ABCA12: variants seen among roughly 807,000 people sequenced by gnomAD.
The protein encoded by ABCA12 is ATP binding cassette subfamily A member 12.
Under a neutral mutation model 293.5 loss-of-function variants are expected in ABCA12, and 156 were observed. The ratio of observed to expected loss-of-function variants is 0.53; its 90% CI spans 0.47 to 0.61. The LOEUF (loss-of-function observed/expected upper bound fraction) is 0.61. Among genes scored for constraint, ABCA12 ranks in the 20% least tolerant of loss-of-function variants. The pLI is 0.00. For synonymous variants in ABCA12, 1,063 were observed against 1,108.0 expected (o/e 0.96, Z 0.81); for missense variants, 2,797 against 3,090.2 (o/e 0.91, Z 2.25).
chr2:215,067,860 A>G (rs1701666090), intron 2 of ABCA12, among the ~76,000 whole-genome samples: 1 of 152,168 alleles, frequency 6.6e-6, no homozygotes, highest in African/African-American at 2.4e-5. Flanking sequence ...GGAACAAACC[A>G]CCAGTTAACT....
intron 3 of ABCA12, among the ~76,000 whole-genome samples, chr2:215,060,748 T>G (rs911253575): frequency 6.6e-6 from 1 of 152,034 alleles, no homozygotes; most frequent in Non-Finnish European, 1.5e-5. Context: ...CCTAATAATA[T>G]CTTTTGGTCA....
chr2:215,108,430 A>G (rs1020360942), intron 2 of ABCA12, among the ~76,000 whole-genome samples: 3 of 152,202 alleles, frequency 2.0e-5, no homozygotes, highest in African/African-American at 7.2e-5. Context: ...AGATGTAAGA[A>G]ATGTGAGTTC....
intron 1 of ABCA12, among the ~76,000 whole-genome samples, chr2:215,119,702 T>C (rs1702760796): frequency 7.1e-6 from 1 of 140,554 alleles, no homozygotes; most frequent in Non-Finnish European, 1.5e-5. Context: ...TGTTTTGGCC[T>C]CACATGAGTC....
At chr2:215,116,118 C>A (rs1702681302) in intron 1 of ABCA12, among the ~76,000 whole-genome samples, 1 of 152,204 alleles carries the variant, frequency 6.6e-6, no homozygotes. Context: ...TGGGCATAAA[C>A]TCCTAATTCC....
rs1192549926 is a variant in ABCA12 at position 215,054,567 on chromosome 2, G to A, written c.409+6C>T. 6.2e-7 allele frequency: 1 copy of A among 1,606,078 alleles called. No homozygotes were observed. Among genetic ancestry groups the A allele is most frequent in the Non-Finnish European group, 8.5e-7 (1 of 1,173,474 alleles). ...GTTCTGAACTCTACAGAAGAAAATAGCTTACCTAGTGATGCATGCCTTCTT... is the reference window on the plus strand; with the variant it reads ...GTTCTGAACTCTACAGAAGAAAATAACTTACCTAGTGATGCATGCCTTCTT... On this transcript the variant is annotated splice_donor_region_variant and intron_variant, in intron 4 of 52. Coordinates refer to ENST00000272895, the MANE Select transcript of ABCA12 (RefSeq NM_173076.3).
rs571722055 is a variant in ABCA12 at position 215,103,107 on chromosome 2, A to G, written c.163+8490T>C. ...CCACTGTGGAATTTTTCACATTGCA[A>G]TAGTTTCTGATATACTTATTGCTCT... On this transcript the variant is annotated intron_variant, in intron 2 of 52. Transcript: ENST00000272895. 1.2e-4 allele frequency among the ~76,000 whole-genome samples: 18 copies of G among 152,116 alleles called. No homozygotes were observed. In the East Asian group the frequency reaches 3.3e-3, roughly 28 times the overall value.
Position 214,969,923 on chromosome 2 carries a change from T to C in ABCA12, c.5690+350A>G, listed in dbSNP as rs139794516. On this transcript the variant is annotated intron_variant, in intron 37 of 52. Transcript: ENST00000272895. ...GATATCACACTCTTAAGTTTTGAGA[T>C]ATTCATATTGGAACTGAGGCCAATT... 5.7e-3 allele frequency among the ~76,000 whole-genome samples: 870 copies of C among 152,106 alleles called. 6 individuals carry two copies. The highest frequency in any genetic ancestry group is 9.2e-3 in the Non-Finnish European group (627 of 67,920).
At chr2:215,042,726 G>A (rs13390805) in intron 7 of ABCA12, among the ~76,000 whole-genome samples, 12,916 of 151,960 alleles carry the variant, frequency 0.085, 1,535 homozygotes, top group African/African-American at 0.27. Context: ...TTCTTTTACC[G>A]TTATTTTGAA....
intron 7 of ABCA12, among the ~76,000 whole-genome samples, chr2:215,037,385 T>C (rs1458668163): frequency 3.9e-5 from 6 of 152,130 alleles, no homozygotes; most frequent in Admixed American, 6.5e-5. Flanking sequence ...CAACTTTCAA[T>C]TAAAGAATAC....
At chr2:214,974,687 G>T in intron 35 of ABCA12, 91 bp downstream of exon 35, 3 of 1,237,596 alleles carry the variant, frequency 2.4e-6, no homozygotes, top group Middle Eastern at 1.9e-4. Flanking sequence ...CTTTCTTCCA[G>T]GCAAATAACA....
rs75462380 is a variant in ABCA12 at position 215,076,768 on chromosome 2, G to A, written c.164-12549C>T. Among the ~76,000 whole-genome samples, 5 of 152,288 alleles carry A rather than the reference G, an allele frequency of 3.3e-5. No individual in the cohort carries two copies. In the East Asian group the frequency reaches 9.6e-4, roughly 29 times the overall value. On this transcript the variant is annotated intron_variant, in intron 2 of 52. Coordinates refer to ENST00000272895, the MANE Select transcript of ABCA12 (RefSeq NM_173076.3). The stretch of plus-strand genomic sequence containing the variant: ...AGATTGTGATATATTTATACATGGA[G>A]TAGATGGGTCAAAGTGAATAAACTC...
intron 2 of ABCA12, among the ~76,000 whole-genome samples, chr2:215,100,579 T>C (rs1159362025): frequency 6.6e-6 from 1 of 152,042 alleles, no homozygotes; most frequent in African/African-American, 2.4e-5. Flanking sequence ...CTGGCCAAGA[T>C]CTATATTTAA....
intron 49 of ABCA12, among the ~76,000 whole-genome samples, chr2:214,943,315 AT>A (rs67922532): frequency 0.021 from 3,208 of 150,650 alleles, 129 homozygotes; most frequent in African/African-American, 0.074. Context: ...TTTAATTTTA[AT>A]TTTTTTTTGT....
chr2:214,973,943 T>C lies in ABCA12; in HGVS notation c.5562+6A>G. 1 of 1,612,250 alleles carries C rather than the reference T, an allele frequency of 6.2e-7. No homozygotes were observed. The highest frequency in any genetic ancestry group is 8.5e-7 in the Non-Finnish European group (1 of 1,178,404). On this transcript the variant is annotated splice_donor_region_variant and intron_variant, in intron 36 of 52. Transcript: ENST00000272895. ...CCCATTTCACTGAAACTGAATTCCATCTTACCTGGACATTTTCTGAGCAGG... is the reference window on the plus strand; with the variant it reads ...CCCATTTCACTGAAACTGAATTCCACCTTACCTGGACATTTTCTGAGCAGG...
At chr2:215,050,336 C>A (rs1218518527) in intron 5 of ABCA12, among the ~76,000 whole-genome samples, 1 of 151,152 alleles carries the variant, frequency 6.6e-6, no homozygotes, top group Non-Finnish European at 1.5e-5. Flanking sequence ...CCATCTAAGT[C>A]TTATATATAG....
chr2:215,044,355 T>C (rs1488434364), intron 7 of ABCA12: 2 of 152,148 alleles, frequency 1.3e-5, no homozygotes, highest in East Asian at 3.8e-4. Flanking sequence ...CCCATTCCAG[T>C]GAGTGTGTAG....
At chr2:215,126,732 C>A (rs539038906) in intron 1 of ABCA12, among the ~76,000 whole-genome samples, 19 of 151,946 alleles carry the variant, frequency 1.3e-4, no homozygotes, top group African/African-American at 4.3e-4. Context: ...TTTTATTTAT[C>A]TTTTCAAAAA....
In ABCA12 at chr2:215,133,760, A is replaced by G. The variant is rs75675794; in HGVS notation, c.69+4380T>C. Among the ~76,000 whole-genome samples, 881 of 152,220 alleles carry G rather than the reference A, an allele frequency of 5.8e-3. 10 individuals are homozygous for G. Among genetic ancestry groups the G allele is most frequent in the African/African-American group, 0.02 (842 of 41,542 alleles). On this transcript the variant is annotated intron_variant, in intron 1 of 52. Transcript: ENST00000272895. ...GGCAATACAATTGAGAACTGATATT[A>G]CCACAGATATTAAAAATCATCAATT...
In ABCA12 at chr2:214,974,054, A is replaced by AT; in HGVS notation, c.5469-13_5469-12insA. On this transcript the variant is annotated splice_polypyrimidine_tract_variant and intron_variant, in intron 35 of 52. Coordinates refer to ENST00000272895, the MANE Select transcript of ABCA12 (RefSeq NM_173076.3). ...TGTTTAAACACTGTCTGCAAGTTAA[A>AT]ATGATATTGCTGTGAGGTGTGTATG... 1 of 1,609,396 alleles carries AT rather than the reference A, an allele frequency of 6.2e-7. No homozygotes were observed. Among genetic ancestry groups the AT allele is most frequent in the South Asian group, 1.1e-5 (1 of 90,982 alleles).
Sources: allele counts gnomAD v4.1 joint callset (sites outside exome capture counted in the v4.1 genomes callset), GRCh38; gene constraint gnomAD v4.1.1; transcripts MANE v1.5; gene names NCBI Gene and HGNC (gene_info 2026-07-23, HGNC 2026-07-21).